POMZP3: variants seen among roughly 807,000 people sequenced by gnomAD.
POMZP3 encodes POM121 and ZP3 fusion, also known as POM121 and ZP3 fusion protein.
POMZP3 carries 10 observed loss-of-function variants against 19.8 expected under a neutral mutation model. The ratio of observed to expected loss-of-function variants is 0.51; its 90% CI spans 0.31 to 0.86. POMZP3 has a LOEUF of 0.86. Ranked by LOEUF, POMZP3 falls within the 40% of genes least tolerant of loss-of-function variation. The pLI is 0.04. For missense variants in POMZP3, 152 were observed against 228.1 expected, an observed-to-expected ratio of 0.67 and a Z score of 2.15; for synonymous variants, 57 against 85.8, an observed-to-expected ratio of 0.66 and a Z score of 1.85.
intron 3 of POMZP3, 103 bp downstream of exon 3, chr7:76,625,419 T>C (rs1815822162): frequency 1.3e-6 from 2 of 1,576,104 alleles, no homozygotes; most frequent in East Asian, 4.5e-5. Flanking sequence ...CTATGAAGGC[T>C]CACAAACTGG....
chr7:76,623,671 G>A (rs1485511412), intron 3 of POMZP3, among the ~76,000 whole-genome samples: 1 of 148,684 alleles, frequency 6.7e-6, no homozygotes, highest in Non-Finnish European at 1.5e-5. Context: ...GTGATGGTAC[G>A]CAACTGTAAT....
intron 3 of POMZP3, among the ~76,000 whole-genome samples, chr7:76,619,139 C>G (rs1409393120): frequency 6.6e-6 from 1 of 152,122 alleles, no homozygotes; most frequent in Admixed American, 6.6e-5. Flanking sequence ...TGGCTCATGC[C>G]TCTAATCCCA....
chr7:76,625,042 A>G (rs1314634994), intron 3 of POMZP3, among the ~76,000 whole-genome samples: 1 of 147,706 alleles, frequency 6.8e-6, no homozygotes, highest in Non-Finnish European at 1.5e-5. Context: ...CTGAGGCAGG[A>G]GAATGGCATG....
intron 6 of POMZP3, 102 bp downstream of exon 6, chr7:76,611,352 T>C: frequency 8.6e-7 from 1 of 1,168,940 alleles, no homozygotes; most frequent in Non-Finnish European, 1.2e-6. Context: ...ACAAACAGTT[T>C]TAATGGATGA....
rs1304320442 is a variant in POMZP3 at position 76,614,474 on chromosome 7, G to A, written c.346-2661C>T. Among the ~76,000 whole-genome samples, 23 of 80,796 alleles carry A rather than the reference G, an allele frequency of 2.8e-4. 9 individuals carry two copies. The highest frequency in any genetic ancestry group is 5.8e-4 in the Non-Finnish European group (23 of 39,328). The allele number at this position is 80,796 out of a possible 152,430, so 53.0% of individuals were successfully genotyped here. ...CTTGGGAGGCTGGAATGGAAGAATT[G>A]CTTGAACCTGGGAGATGGGAAGTTG... is the stretch of plus-strand genomic sequence containing the variant. On this transcript the variant is annotated intron_variant, in intron 4 of 6. Transcript: ENST00000310842.
At chr7:76,611,321 A>G in intron 6 of POMZP3, 133 bp downstream of exon 6, 1 of 1,142,878 alleles carries the variant, frequency 8.7e-7, no homozygotes, top group Non-Finnish European at 1.2e-6. Flanking sequence ...GTGTTAGGGA[A>G]AGGTAGCTGC....
intron 6 of POMZP3, among the ~76,000 whole-genome samples, chr7:76,610,614 T>C (rs1350167548): frequency 6.6e-6 from 1 of 151,818 alleles, no homozygotes; most frequent in Non-Finnish European, 1.5e-5. Context: ...ATCGTGCCAT[T>C]GCTCTCCAGC....
At chr7:76,611,969 C>A (rs372984428) in intron 4 of POMZP3, among the ~76,000 whole-genome samples, 156 bp from the exon 5 acceptor site, 1 of 151,336 alleles carries the variant, frequency 6.6e-6, no homozygotes, top group African/African-American at 2.5e-5. Flanking sequence ...GAGGCCAAGG[C>A]GGGTATATCA....
rs1296942307 is a variant in POMZP3, at chr7:76,626,928, G to A, written c.-372C>T. 3.6e-6 allele frequency: 5 copies of A among 1,405,466 alleles called. No homozygotes were observed. Among genetic ancestry groups the A allele is most frequent in the Non-Finnish European group, 4.6e-6 (5 of 1,079,368 alleles). 87.1% of individuals were successfully genotyped at this position (1,405,466 alleles called of 1,614,324 possible). A position where few individuals can be genotyped will look rare whatever the true frequency, so the allele number is the denominator to read the frequency against. The stretch of plus-strand genomic sequence containing the variant: ...TGCCCATGAGGAGCAGTTCGGCAGG[G>A]TCAGGTCCTTCGAGCAGGGTCCGCG... On this transcript the variant is annotated 5_prime_UTR_variant, in exon 1 of 7. Transcript: ENST00000310842.
chr7:76,620,578 C>T (rs1754214), intron 3 of POMZP3, among the ~76,000 whole-genome samples: 84,970 of 150,614 alleles, frequency 0.56, 24,173 homozygotes, highest in Middle Eastern at 0.71. Context: ...AGTGATTCTC[C>T]TGCCTCAGCC....
chr7:76,626,397 C>G, intron 1 of POMZP3, 182 bp from the exon 2 acceptor site: 1 of 626,090 alleles, frequency 1.6e-6, no homozygotes, highest in Non-Finnish European at 2.8e-6. Context: ...AGAGTGACAG[C>G]TGCTTAACAG....
chr7:76,625,445 C>G, intron 3 of POMZP3, 77 bp downstream of exon 3: 2 of 1,600,168 alleles, frequency 1.2e-6, no homozygotes, highest in Non-Finnish European at 1.7e-6. Context: ...GCCTCTGTAT[C>G]TTTACGGGAA....
rs73705107 is a variant in POMZP3, at chr7:76,611,456, T to C, written c.*9A>G. 0.011 allele frequency: 17,175 copies of C among 1,549,882 alleles called. 1,259 individuals carry two copies. The African/African-American group carries it at 0.24, about 21-fold the overall frequency. ...CTCTTGGCCATTCTATGACATACCA[T>C]GCCTGCGGTTACAGGGAAGCAGACG... On this transcript the variant is annotated splice_region_variant and 3_prime_UTR_variant, in exon 6 of 7. Transcript: ENST00000310842.
At chr7:76,624,519 C>T (rs1340526052) in intron 3 of POMZP3, among the ~76,000 whole-genome samples, 1 of 151,668 alleles carries the variant, frequency 6.6e-6, no homozygotes, top group Admixed American at 6.6e-5. Context: ...GGTCTCGGCT[C>T]GCTGCAACCT....
At chr7:76,619,216 C>T (rs1219660787) in intron 3 of POMZP3, among the ~76,000 whole-genome samples, 5 of 152,164 alleles carry the variant, frequency 3.3e-5, no homozygotes, top group South Asian at 2.1e-4. Flanking sequence ...GGGGAAACCC[C>T]GTCTCCACTA....
Position 76,620,861 on chromosome 7 carries a change from A to ATTTTTTT in POMZP3, c.228-2568_228-2562dup, listed in dbSNP as rs56084078. On this transcript the variant is annotated intron_variant, in intron 3 of 6. Transcript: ENST00000310842. ...GTTTACTCCTCAGGGCTGTAAAGCC[A>ATTTTTTT]TTTTTTTTTTTTTTTTTTTTTTTTT... is the stretch of plus-strand genomic sequence containing the variant. Among the ~76,000 whole-genome samples the ATTTTTTT allele has an allele frequency of 1.9e-3, 146 of 76,190 alleles. 6 individuals are homozygous for ATTTTTTT. The highest frequency in any genetic ancestry group is 6.2e-3 in the East Asian group (13 of 2,108). The allele number at this position is 76,190 out of a possible 152,430, so 50.0% of individuals were successfully genotyped here. A position where few individuals can be genotyped will look rare whatever the true frequency, so the allele number is the denominator to read the frequency against.
intron 3 of POMZP3, among the ~76,000 whole-genome samples, chr7:76,621,668 C>T (rs2116872572): frequency 6.6e-6 from 1 of 151,654 alleles, no homozygotes; most frequent in East Asian, 2.0e-4. Flanking sequence ...TGGCCGGGCG[C>T]GGTGGCTCAC....
intron 4 of POMZP3, 105 bp from the exon 5 acceptor site, chr7:76,611,918 G>T: frequency 1.3e-6 from 2 of 1,539,806 alleles, no homozygotes; most frequent in Non-Finnish European, 1.8e-6. Context: ...GTGAGAAGGG[G>T]CCGGGTGCGA....
At chr7:76,621,194 A>T (rs1815540060) in intron 3 of POMZP3, 1 of 151,074 alleles carries the variant, frequency 6.6e-6, no homozygotes, top group Admixed American at 6.6e-5. Context: ...TGAGCAAAGC[A>T]GCTGTGGCTT....
Sources: gnomAD v4.1 joint callset for allele counts (sites outside exome capture counted in the v4.1 genomes callset) on GRCh38, gnomAD v4.1.1 for gene constraint, MANE v1.5 for transcripts, NCBI Gene and HGNC (gene_info 2026-07-23, HGNC 2026-07-21) for gene names.